PREX2: variants seen among roughly 807,000 people sequenced by gnomAD.
PREX2 encodes the protein phosphatidylinositol 3,4,5-trisphosphate-dependent Rac exchanger 2 protein.
PREX2 carries 107 observed loss-of-function variants against 203.2 expected under a neutral mutation model. That is an observed-to-expected ratio of 0.53 (90% CI 0.45 to 0.62). The LOEUF is 0.62. Ranked by LOEUF, PREX2 falls within the 20% of genes least tolerant of loss-of-function variation. The pLI, the probability that PREX2 is intolerant of heterozygous loss-of-function variation, is 0.00. For synonymous variants in PREX2, 672 were observed against 663.6 expected (o/e 1.01, Z -0.19); for missense variants, 1,777 against 1,955.9 (o/e 0.91, Z 1.72).
chr8:68,191,724 C>T lies in PREX2; in HGVS notation c.4349C>T (p.Ala1450Val), dbSNP rs547360473. ...KVKQYNQKLR[A>V]FYLDKSNSPP... The stretch of plus-strand genomic sequence containing the variant: ...ATTTATTTCTTGGATTCTTACAGGG[C>T]ATTCTACTTGGACAAGTCAAATTCA... The change falls in exon 36 of 40, where the codon GCA becomes GTA. Residue 1450 changes from alanine (A) to valine (V), a missense_variant and splice_region_variant. Coordinates refer to ENST00000288368, the MANE Select transcript of PREX2 (RefSeq NM_024870.4). 125 of 1,603,624 alleles carry T rather than the reference C, an allele frequency of 7.8e-5. No individual in the cohort carries two copies. In the South Asian group the frequency reaches 1.3e-3, roughly 17 times the overall value.
rs1393020880 is a variant in PREX2 at position 68,231,323 on chromosome 8, C to T, written c.4776-10C>T. 1 of 1,579,858 alleles carries T rather than the reference C, an allele frequency of 6.3e-7. No individual in the cohort carries two copies. Among genetic ancestry groups the T allele is most frequent in the East Asian group, 2.3e-5 (1 of 43,284 alleles). On this transcript the variant is annotated splice_polypyrimidine_tract_variant and intron_variant, in intron 39 of 39. Transcript: ENST00000288368. ...TAAGTCACTGTCAAACTTTACCATGCCTTTTCTAGGCTGTACAAGCTGTGC... is the reference window on the plus strand; with the variant it reads ...TAAGTCACTGTCAAACTTTACCATGTCTTTTCTAGGCTGTACAAGCTGTGC...
At chr8:67,960,026 T>C (rs529639770) in intron 1 of PREX2, among the ~76,000 whole-genome samples, 2 of 149,380 alleles carry the variant, frequency 1.3e-5, no homozygotes, top group Non-Finnish European at 3.0e-5. Context: ...TTCTTCCTTT[T>C]CTTTTCTTTT....
chr8:68,060,676 C>A lies in PREX2; in HGVS notation c.1239-3C>A, dbSNP rs770294081. ...TAGCTTTTTCACTGACTTTCTCTTG[C>A]AGCGAATTTGTGTCATGGCTGTTGG... On this transcript the variant is annotated splice_region_variant and splice_polypyrimidine_tract_variant and intron_variant, in intron 10 of 39. Coordinates refer to ENST00000288368, the MANE Select transcript of PREX2 (RefSeq NM_024870.4). The A allele has an allele frequency of 6.2e-7, 1 of 1,606,642 alleles. No individual in the cohort carries two copies. The highest frequency in any genetic ancestry group is 8.5e-7 in the Non-Finnish European group (1 of 1,176,264).
At chr8:68,161,857 C>G (rs1384282163) in intron 35 of PREX2, among the ~76,000 whole-genome samples, 2 of 151,950 alleles carry the variant, frequency 1.3e-5, no homozygotes, top group Non-Finnish European at 2.9e-5. Flanking sequence ...AAAGACATAC[C>G]CAGGACTGGG....
intron 1 of PREX2, among the ~76,000 whole-genome samples, chr8:68,002,205 T>C (rs1806962717): frequency 6.6e-6 from 1 of 150,630 alleles, no homozygotes; most frequent in African/African-American, 2.4e-5. Context: ...TGGAATGCAG[T>C]GGCATGATCT....
At chr8:68,030,761 A>G in intron 6 of PREX2, 103 bp downstream of exon 6, 1 of 1,112,700 alleles carries the variant, frequency 9.0e-7, no homozygotes, top group Non-Finnish European at 1.3e-6. Flanking sequence ...TCATTTTCTC[A>G]GATATTACTT....
At chr8:68,099,960 T>G in intron 23 of PREX2, 117 bp downstream of exon 23, 1 of 944,554 alleles carries the variant, frequency 1.1e-6, no homozygotes, top group Non-Finnish European at 1.7e-6. Flanking sequence ...TTTACTGAGA[T>G]GATAACATTA....
intron 35 of PREX2, among the ~76,000 whole-genome samples, chr8:68,164,417 A>G (rs1811715518): frequency 6.6e-6 from 1 of 151,750 alleles, no homozygotes; most frequent in African/African-American, 2.4e-5. Context: ...ATATATGTAT[A>G]TAATGTGTTT....
chr8:68,019,898 A>G (rs1807517543), intron 3 of PREX2, among the ~76,000 whole-genome samples: 1 of 152,210 alleles, frequency 6.6e-6, no homozygotes, highest in Non-Finnish European at 1.5e-5. Context: ...TTCCCCGACA[A>G]GTTAGTTCTT....
rs1214502487 is a variant in PREX2, at chr8:68,121,016, A to G, written c.3691A>G (p.Thr1231Ala). The G allele has an allele frequency of 4.3e-6, 7 of 1,613,560 alleles. No homozygotes were observed. The highest frequency in any genetic ancestry group is 1.3e-5 in the African/African-American group (1 of 74,878). ...TTGGAATCTTCCCAGCAGCGTCCGGACTCTTGCTCAGAACATCAGGAAATT... is the reference window on the plus strand; with the variant it reads ...TTGGAATCTTCCCAGCAGCGTCCGGGCTCTTGCTCAGAACATCAGGAAATT... ...DPWNLPSSVR[T>A]LAQNIRKFVE... Residue 1231 changes from threonine to alanine, a missense_variant, in exon 30 of 40, where the codon ACT becomes GCT. Thr to Ala is a moderately conservative substitution (Grantham distance 58). Transcript: ENST00000288368.
At chr8:68,163,027 T>C (rs3943767) in intron 35 of PREX2, among the ~76,000 whole-genome samples, 120,434 of 152,196 alleles carry the variant, frequency 0.79, 48,247 homozygotes, top group African/African-American at 0.93. Flanking sequence ...AATTTTTAAA[T>C]TATCTTTATT....
rs115074150 is a variant in PREX2, at chr8:68,008,284, C to T, written c.142-9562C>T. Among the ~76,000 whole-genome samples, 491 of 152,200 alleles carry T rather than the reference C, an allele frequency of 3.2e-3. 1 individual carries two copies. The highest frequency in any genetic ancestry group is 0.011 in the African/African-American group (455 of 41,520). The stretch of plus-strand genomic sequence containing the variant: ...TGCCACTGATATATTAATACTTGTC[C>T]GTATCAGCCCAGCACTAACCGTTTT... On this transcript the variant is annotated intron_variant, in intron 1 of 39. Coordinates refer to ENST00000288368, the MANE Select transcript of PREX2 (RefSeq NM_024870.4).
At chr8:68,070,793 A>T (rs1232624340) in intron 13 of PREX2, among the ~76,000 whole-genome samples, 1 of 152,176 alleles carries the variant, frequency 6.6e-6, no homozygotes, top group Non-Finnish European at 1.5e-5. Context: ...GATATTGCTA[A>T]GTATATTGGA....
At chr8:68,017,152 T>TAGCC (rs1018883194) in intron 1 of PREX2, among the ~76,000 whole-genome samples, 37 of 152,134 alleles carry the variant, frequency 2.4e-4, no homozygotes, top group African/African-American at 8.4e-4. Context: ...ATAGCCTGTT[T>TAGCC]AGCCATTGGT....
rs755426361 is a variant in PREX2 at position 68,080,844 on chromosome 8, G to A, written c.1878+6G>A. 9 of 1,337,840 alleles carry A rather than the reference G, an allele frequency of 6.7e-6. No individual in the cohort carries two copies. The highest frequency in any genetic ancestry group is 2.9e-5 in the African/African-American group (2 of 68,086). 82.9% of individuals were successfully genotyped at this position (1,337,840 alleles called of 1,614,324 possible). A position where few individuals can be genotyped will look rare whatever the true frequency, so the allele number is the denominator to read the frequency against. ...AAAAGGGATCTAATGCTGAGGTAAT[G>A]TAAATTAGCGTTTTAATTTAAATTT... On this transcript the variant is annotated splice_donor_region_variant and intron_variant, in intron 17 of 39. Transcript: ENST00000288368.
intron 6 of PREX2, among the ~76,000 whole-genome samples, chr8:68,036,872 G>A (rs550023536): frequency 2.3e-4 from 35 of 152,238 alleles, no homozygotes; most frequent in African/African-American, 7.2e-4. Flanking sequence ...TCCAGGAGGC[G>A]GAGGTTGTGG....
intron 25 of PREX2, chr8:68,111,124 A>T (rs756584780): frequency 4.3e-5 from 10 of 231,684 alleles, no homozygotes; most frequent in African/African-American, 4.7e-5. Flanking sequence ...TCCCAGAGGT[A>T]TTTATGAAGT....
At chr8:68,144,602 T>C (rs1053524818) in intron 33 of PREX2, among the ~76,000 whole-genome samples, 3 of 152,096 alleles carry the variant, frequency 2.0e-5, no homozygotes, top group African/African-American at 7.2e-5. Context: ...ATATTTTCCT[T>C]TCCCAATCAT....
At chr8:68,109,972 C>T (rs1346057122) in intron 25 of PREX2, among the ~76,000 whole-genome samples, 1 of 152,010 alleles carries the variant, frequency 6.6e-6, no homozygotes, top group South Asian at 2.1e-4. Flanking sequence ...GTTCAGGGTG[C>T]AAATTTTGGT....
Sources: gnomAD v4.1 joint callset for allele counts (sites outside exome capture counted in the v4.1 genomes callset) on GRCh38, gnomAD v4.1.1 for gene constraint, MANE v1.5 for transcripts, NCBI Gene and HGNC (gene_info 2026-07-23, HGNC 2026-07-21) for gene names.